The following PDZRN3 variants were observed in gnomAD, a reference collection of about 807,000 sequenced individuals.
PDZRN3 encodes PDZ domain containing ring finger 3.
PDZRN3 carries 38 observed loss-of-function variants against 85.7 expected under a neutral mutation model. The observed-to-expected ratio is 0.44, with a 90% CI of 0.34 to 0.58. PDZRN3 has a LOEUF of 0.58. PDZRN3 is among the 20% of genes least tolerant of loss of function. The pLI is 0.01. For missense variants in PDZRN3, 1,629 were observed against 1,506.4 expected (o/e 1.08, Z -1.35); for synonymous variants, 759 against 638.0 (o/e 1.19, Z -2.86).
intron 1 of PDZRN3, among the ~76,000 whole-genome samples, chr3:73,619,788 A>G (rs1199158908): frequency 1.3e-5 from 2 of 152,222 alleles, no homozygotes; most frequent in Non-Finnish European, 2.9e-5. Context: ...ATGGGACAGC[A>G]TAGGAGGCTT....
chr3:73,617,314 T>C (rs914392942), intron 1 of PDZRN3, among the ~76,000 whole-genome samples: 6 of 152,208 alleles, frequency 3.9e-5, no homozygotes, highest in Non-Finnish European at 7.3e-5. Flanking sequence ...TGGTAGTTAT[T>C]TTCTTTACAA....
At chr3:73,395,738 A>G (rs1701621912) in intron 5 of PDZRN3, among the ~76,000 whole-genome samples, 1 of 152,212 alleles carries the variant, frequency 6.6e-6, no homozygotes, top group Non-Finnish European at 1.5e-5. Flanking sequence ...ATCTTTAAAG[A>G]CTGCATTTTC....
chr3:73,602,986 T>C (rs760548452), intron 2 of PDZRN3, among the ~76,000 whole-genome samples: 1 of 152,216 alleles, frequency 6.6e-6, no homozygotes, highest in Non-Finnish European at 1.5e-5. Flanking sequence ...AATACTCTCC[T>C]ACTTGTATTT....
intron 3 of PDZRN3, among the ~76,000 whole-genome samples, chr3:73,429,056 G>A (rs1702377552): frequency 6.6e-6 from 1 of 151,998 alleles, no homozygotes; most frequent in Non-Finnish European, 1.5e-5. Flanking sequence ...GCACCATCAT[G>A]CCTGGCTAAG....
intron 3 of PDZRN3, among the ~76,000 whole-genome samples, chr3:73,423,168 A>G (rs1326520920): frequency 6.6e-6 from 1 of 152,206 alleles, no homozygotes; most frequent in Non-Finnish European, 1.5e-5. Flanking sequence ...TAACTGAAAT[A>G]TTGTTATGAA....
chr3:73,535,056 G>C (rs1245092214), intron 3 of PDZRN3, among the ~76,000 whole-genome samples: 1 of 151,918 alleles, frequency 6.6e-6, no homozygotes, highest in African/African-American at 2.4e-5. Context: ...CCTTCTCGGG[G>C]GTTAAGGCTA....
chr3:73,484,574 A>C (rs934348408), intron 3 of PDZRN3, among the ~76,000 whole-genome samples: 1 of 152,222 alleles, frequency 6.6e-6, no homozygotes, highest in Non-Finnish European at 1.5e-5. Flanking sequence ...GATAGTAAGG[A>C]AAGAAAAGAA....
At chr3:73,600,083 T>A (rs1246230491) in intron 3 of PDZRN3, among the ~76,000 whole-genome samples, 1 of 152,138 alleles carries the variant, frequency 6.6e-6, no homozygotes, top group Non-Finnish European at 1.5e-5. Flanking sequence ...CTGGCACCGA[T>A]GTGGGTAAGA....
At chr3:73,581,027 T>G (rs1702194129) in intron 3 of PDZRN3, among the ~76,000 whole-genome samples, 1 of 152,194 alleles carries the variant, frequency 6.6e-6, no homozygotes, top group East Asian at 1.9e-4. Context: ...TGTCCCTTTT[T>G]GGGGAGGAGG....
At position 73,479,030 on chromosome 3, in the gene PDZRN3, A is replaced by C. The variant is rs976318972; in HGVS notation, c.919-74635T>G. Among the ~76,000 whole-genome samples, 9 of 152,262 alleles carry C rather than the reference A, an allele frequency of 5.9e-5. 1 individual carries two copies. Among genetic ancestry groups the C allele is most frequent in the Middle Eastern group, 6.3e-3 (2 of 316 alleles). ...CAACCTAATAATTCAGCACTGAATG[A>C]ACATCTGTTCACTATCAAGACTGAC... On this transcript the variant is annotated intron_variant, in intron 3 of 9. Coordinates refer to ENST00000263666, the MANE Select transcript of PDZRN3 (RefSeq NM_015009.3).
At chr3:73,620,956 A>G (rs1251097928) in intron 1 of PDZRN3, among the ~76,000 whole-genome samples, 2 of 152,220 alleles carry the variant, frequency 1.3e-5, no homozygotes, top group African/African-American at 4.8e-5. Context: ...TGAAACCATA[A>G]CTGTGTGAAG....
chr3:73,474,724 C>T (rs1703415173), intron 3 of PDZRN3: 1 of 683,742 alleles, frequency 1.5e-6, no homozygotes. Flanking sequence ...CATTTCAGGC[C>T]CTGGGAAAGG....
chr3:73,496,706 T>C (rs764226494), intron 3 of PDZRN3, among the ~76,000 whole-genome samples: 8 of 151,948 alleles, frequency 5.3e-5, no homozygotes, highest in Non-Finnish European at 1.2e-4. Flanking sequence ...ATAAAAAAGG[T>C]AAAAAAATTA....
chr3:73,572,588 A>C (rs903701553), intron 3 of PDZRN3, among the ~76,000 whole-genome samples: 2 of 152,174 alleles, frequency 1.3e-5, no homozygotes, highest in Non-Finnish European at 2.9e-5. Context: ...GTCAGGGTGC[A>C]TATAATTCAA....
chr3:73,407,651 A>G (rs1324081236), intron 3 of PDZRN3, among the ~76,000 whole-genome samples: 2 of 152,220 alleles, frequency 1.3e-5, no homozygotes, highest in Non-Finnish European at 2.9e-5. Flanking sequence ...TCATTTTTAT[A>G]GCAAGGTGAT....
At chr3:73,595,178 C>T (rs1702414901) in intron 3 of PDZRN3, among the ~76,000 whole-genome samples, 1 of 152,204 alleles carries the variant, frequency 6.6e-6, no homozygotes, top group Non-Finnish European at 1.5e-5. Context: ...GAGTCCATTA[C>T]TAATAACTGA....
chr3:73,532,252 C>T (rs1414148655), intron 3 of PDZRN3, among the ~76,000 whole-genome samples: 1 of 152,218 alleles, frequency 6.6e-6, no homozygotes, highest in East Asian at 1.9e-4. Context: ...CCACCCACCT[C>T]GGCCTCCCAA....
At chr3:73,431,760 G>A (rs1407235429) in intron 3 of PDZRN3, among the ~76,000 whole-genome samples, 1 of 152,084 alleles carries the variant, frequency 6.6e-6, no homozygotes, top group Non-Finnish European at 1.5e-5. Flanking sequence ...GCAATTTACT[G>A]AGCAATGCTT....
At chr3:73,611,427 C>T (rs933389847) in intron 1 of PDZRN3, among the ~76,000 whole-genome samples, 17 of 152,186 alleles carry the variant, frequency 1.1e-4, no homozygotes, top group Admixed American at 1.0e-3. Flanking sequence ...AACAACTAAG[C>T]TGACCTTCTA....
Sources: gnomAD v4.1 joint callset for allele counts (sites outside exome capture counted in the v4.1 genomes callset) on GRCh38, gnomAD v4.1.1 for gene constraint, MANE v1.5 for transcripts, NCBI Gene and HGNC (gene_info 2026-07-23, HGNC 2026-07-21) for gene names.